FGGY: variants seen among roughly 807,000 people sequenced by gnomAD.
FGGY encodes the protein FGGY carbohydrate kinase domain-containing protein.
A neutral mutation model predicts 71.3 loss-of-function variants in FGGY; 72 were observed. The observed-to-expected ratio is 1.01, with a 90% confidence interval of 0.84 to 1.23. FGGY has a LOEUF of 1.23. Ranked by LOEUF, FGGY falls within the 50% of genes most tolerant of loss-of-function variation. FGGY has a pLI of 0.00. For missense variants in FGGY, 668 were observed against 682.3 expected, an observed-to-expected ratio of 0.98 and a Z score of 0.23; for synonymous variants, 251 against 250.3, an observed-to-expected ratio of 1.00 and a Z score of -0.02.
chr1:59,470,906 G>T (rs17119480), intron 6 of FGGY, among the ~76,000 whole-genome samples: 2,554 of 152,292 alleles, frequency 0.017, 74 homozygotes, highest in African/African-American at 0.058. Flanking sequence ...CTTTGCTGAA[G>T]TGCTGCTTCA....
chr1:59,677,956 T>C (rs1241574693), intron 14 of FGGY, among the ~76,000 whole-genome samples: 1 of 152,182 alleles, frequency 6.6e-6, no homozygotes, highest in East Asian at 1.9e-4. Context: ...TCACAAAGGA[T>C]ACTGACATAG....
chr1:59,330,969 A>AT (rs200536411), intron 2 of FGGY, among the ~76,000 whole-genome samples: 58 of 147,016 alleles, frequency 3.9e-4, no homozygotes, highest in Middle Eastern at 3.5e-3. Context: ...AGAGGCTGAG[A>AT]TTTTTTTTTT....
chr1:59,473,773 TACTA>T (rs1432386682), intron 6 of FGGY, among the ~76,000 whole-genome samples: 2 of 152,156 alleles, frequency 1.3e-5, no homozygotes, highest in African/African-American at 2.4e-5. Context: ...TGGTTCTAAT[TACTA>T]CTCCTGCCAA....
rs1261406440 is a variant in FGGY at position 59,506,209 on chromosome 1, A to G, written c.671-6102A>G. On this transcript the variant is annotated intron_variant, in intron 6 of 15. Transcript: ENST00000303721. ...AGATTGTTTTGATCACAAAAGACAT[A>G]CAAGGTCATGGGATATAAGAAACAC... Among the ~76,000 whole-genome samples the G allele has an allele frequency of 2.6e-5, 4 of 152,206 alleles. No individual in the cohort carries two copies. The East Asian group carries it at 7.7e-4, about 29-fold the overall frequency.
chr1:59,517,048 T>C (rs193204457), intron 7 of FGGY, among the ~76,000 whole-genome samples: 8 of 152,252 alleles, frequency 5.3e-5, no homozygotes, highest in African/African-American at 1.4e-4. Flanking sequence ...TAGTAAGTTC[T>C]CCAGCAGACA....
chr1:59,742,588 A>G (rs781182042), intron 14 of FGGY, among the ~76,000 whole-genome samples: 4 of 152,240 alleles, frequency 2.6e-5, no homozygotes, highest in Non-Finnish European at 4.4e-5. Flanking sequence ...ACACCTATCT[A>G]TATAACATCT....
chr1:59,728,360 A>G (rs943212403), intron 14 of FGGY, among the ~76,000 whole-genome samples: 1 of 151,996 alleles, frequency 6.6e-6, no homozygotes, highest in Non-Finnish European at 1.5e-5. Flanking sequence ...GCTGTAATTT[A>G]TTTCATTTAT....
chr1:59,362,823 TCCA>T (rs957745603), intron 4 of FGGY, among the ~76,000 whole-genome samples: 3 of 152,260 alleles, frequency 2.0e-5, no homozygotes, highest in Non-Finnish European at 4.4e-5. Flanking sequence ...GATTCTTTGT[TCCA>T]CCTAGCCAGT....
chr1:59,513,834 T>C (rs902022350), intron 7 of FGGY, among the ~76,000 whole-genome samples: 1 of 152,192 alleles, frequency 6.6e-6, no homozygotes, highest in Non-Finnish European at 1.5e-5. Flanking sequence ...ATGCAACGGA[T>C]TATTAAATGG....
intron 8 of FGGY, among the ~76,000 whole-genome samples, chr1:59,562,932 A>G (rs2095815636): frequency 1.3e-5 from 2 of 152,234 alleles, no homozygotes; most frequent in Admixed American, 6.5e-5. Flanking sequence ...TAAAAACAGA[A>G]AAAAGATCGA....
intron 14 of FGGY, among the ~76,000 whole-genome samples, chr1:59,704,356 T>C (rs2097736069): frequency 6.6e-6 from 1 of 152,134 alleles, no homozygotes; most frequent in Non-Finnish European, 1.5e-5. Flanking sequence ...ACTTACTCTG[T>C]AAAAGCACGA....
At position 59,380,602 on chromosome 1, in the gene FGGY, A is replaced by C. The variant is rs576068029; in HGVS notation, c.554+1765A>C. ...GGCTGCATAAATGTCTTCTTTTGAGAAGTGTCTGTTCATATCCTTTGCCCC... is the reference window on the plus strand; with the variant it reads ...GGCTGCATAAATGTCTTCTTTTGAGCAGTGTCTGTTCATATCCTTTGCCCC... On this transcript the variant is annotated intron_variant, in intron 5 of 15. Coordinates refer to ENST00000303721, the MANE Select transcript of FGGY (RefSeq NM_018291.5). 1.3e-4 allele frequency among the ~76,000 whole-genome samples: 19 copies of C among 151,646 alleles called. No homozygotes were observed. In the South Asian group the frequency reaches 3.9e-3, roughly 31 times the overall value.
chr1:59,401,240 C>T (rs7536665), intron 5 of FGGY, among the ~76,000 whole-genome samples: 6,317 of 152,204 alleles, frequency 0.042, 397 homozygotes, highest in African/African-American at 0.14. Context: ...TCATAATATT[C>T]AACTAAGGGA....
intron 14 of FGGY, among the ~76,000 whole-genome samples, chr1:59,747,826 G>T (rs1249347886): frequency 6.6e-6 from 1 of 152,246 alleles, no homozygotes. Flanking sequence ...GCTTTACAGG[G>T]CCCCAAAGTC....
chr1:59,508,272 C>A (rs1231547247), intron 6 of FGGY, among the ~76,000 whole-genome samples: 4 of 152,136 alleles, frequency 2.6e-5, no homozygotes, highest in Non-Finnish European at 5.9e-5. Flanking sequence ...CATCTTTGTC[C>A]CAAACCACAA....
At chr1:59,316,823 T>TTA (rs1331561736) in intron 1 of FGGY, among the ~76,000 whole-genome samples, 6 of 152,222 alleles carry the variant, frequency 3.9e-5, no homozygotes, top group Admixed American at 2.0e-4. Flanking sequence ...TGAATTTCTG[T>TTA]TATTTTTCTT....
chr1:59,500,565 G>A (rs1316450790), intron 6 of FGGY, among the ~76,000 whole-genome samples: 1 of 149,802 alleles, frequency 6.7e-6, no homozygotes, highest in Admixed American at 6.7e-5. Context: ...TTTTTTGCAA[G>A]GCCCTTAAAG....
At chr1:59,719,009 G>A (rs1385063601) in intron 14 of FGGY, among the ~76,000 whole-genome samples, 1 of 152,106 alleles carries the variant, frequency 6.6e-6, no homozygotes, top group East Asian at 1.9e-4. Flanking sequence ...TTTTGTTCAA[G>A]GTCACACCCC....
intron 5 of FGGY, among the ~76,000 whole-genome samples, chr1:59,418,720 T>TTG (rs1342393511): frequency 1.9e-3 from 281 of 151,714 alleles, no homozygotes; most frequent in Non-Finnish European, 3.2e-3. Context: ...TTTTCTTTTT[T>TTG]TGTGTGTGTG....
Sources: allele counts gnomAD v4.1 joint callset (sites outside exome capture counted in the v4.1 genomes callset), GRCh38; gene constraint gnomAD v4.1.1; transcripts MANE v1.5; gene names NCBI Gene and HGNC (gene_info 2026-07-23, HGNC 2026-07-21).